The following KCTD1 variants were observed in gnomAD, a reference collection of about 807,000 sequenced individuals.
KCTD1 encodes the protein BTB/POZ domain-containing protein KCTD1.
Under a neutral mutation model 66.0 loss-of-function variants are expected in KCTD1, and 24 were observed. That is an observed-to-expected ratio of 0.36 (90% CI 0.26 to 0.51). KCTD1 has a LOEUF of 0.51. KCTD1 is among the 20% of genes least tolerant of loss of function. KCTD1 has a pLI of 0.95. For missense variants in KCTD1, 943 were observed against 1,205.2 expected (o/e 0.78, Z 3.22); for synonymous variants, 511 against 517.2 (o/e 0.99, Z 0.16).
chr18:26,643,004 A>G (rs573158123), upstream of KCTD1, among the ~76,000 whole-genome samples: 13 of 152,224 alleles, frequency 8.5e-5, no homozygotes, highest in African/African-American at 2.9e-4. Flanking sequence ...GTGTTGAAGG[A>G]TGGTGTGTTA....
At chr18:26,584,561 A>G (rs1986430281) in intron 1 of KCTD1, among the ~76,000 whole-genome samples, 1 of 152,154 alleles carries the variant, frequency 6.6e-6, no homozygotes, top group Non-Finnish European at 1.5e-5. Flanking sequence ...ACTATTTATG[A>G]GGAGATTACT....
chr18:26,499,648 G>T (rs113545685), intron 2 of KCTD1, among the ~76,000 whole-genome samples: 1 of 152,096 alleles, frequency 6.6e-6, no homozygotes. Flanking sequence ...AAAACAAAAA[G>T]TCGGCCTTCA....
At chr18:26,603,351 C>T (rs1028906066) in intron 1 of KCTD1, among the ~76,000 whole-genome samples, 2 of 150,730 alleles carry the variant, frequency 1.3e-5, no homozygotes, top group Non-Finnish European at 2.9e-5. Flanking sequence ...AGAATCACCT[C>T]AGCCTAAGAG....
chr18:26,629,721 C>G (rs528702644), upstream of KCTD1, among the ~76,000 whole-genome samples: 2 of 101,128 alleles, frequency 2.0e-5, no homozygotes, highest in African/African-American at 5.2e-5. Context: ...TTGACCCCCC[C>G]GCCTTTTTTT....
intron 1 of KCTD1, among the ~76,000 whole-genome samples, chr18:26,526,287 G>T (rs192588682): frequency 2.0e-5 from 3 of 152,184 alleles, no homozygotes; most frequent in African/African-American, 7.2e-5. Context: ...TGCTGCCCAT[G>T]CACAATGAAC....
chr18:26,530,542 C>A (rs1984386986), intron 1 of KCTD1, among the ~76,000 whole-genome samples: 1 of 152,194 alleles, frequency 6.6e-6, no homozygotes, highest in Non-Finnish European at 1.5e-5. Context: ...CCCAAACAGA[C>A]CCACACCTCA....
chr18:26,609,167 C>T (rs1182441458), intron 1 of KCTD1, among the ~76,000 whole-genome samples: 3 of 152,124 alleles, frequency 2.0e-5, no homozygotes, highest in Non-Finnish European at 4.4e-5. Flanking sequence ...GTACCAACAT[C>T]TAATATAATG....
chr18:26,528,746 C>T (rs1045041396), intron 1 of KCTD1, among the ~76,000 whole-genome samples: 1 of 152,206 alleles, frequency 6.6e-6, no homozygotes, highest in Non-Finnish European at 1.5e-5. Flanking sequence ...ACCCAGGCCT[C>T]ATCTCACTTG....
intron 1 of KCTD1, among the ~76,000 whole-genome samples, chr18:26,559,899 T>C (rs1985804642): frequency 6.6e-6 from 1 of 152,146 alleles, no homozygotes; most frequent in South Asian, 2.1e-4. Context: ...CCAGGCCCTT[T>C]TGCCAGTGCC....
At chr18:26,638,222 A>G (rs933060701) in intron 1 of KCTD1, among the ~76,000 whole-genome samples, 1 of 152,244 alleles carries the variant, frequency 6.6e-6, no homozygotes, top group Non-Finnish European at 1.5e-5. Flanking sequence ...TCACAGTTCA[A>G]TGTCAAATCA....
At chr18:26,579,193 A>T (rs1438414003) in intron 1 of KCTD1, among the ~76,000 whole-genome samples, 3 of 152,096 alleles carry the variant, frequency 2.0e-5, no homozygotes, top group African/African-American at 7.2e-5. Flanking sequence ...CTCTAAACAT[A>T]TTTATTGGAT....
chr18:26,600,528 A>G (rs1013476233), intron 1 of KCTD1, among the ~76,000 whole-genome samples: 1 of 152,070 alleles, frequency 6.6e-6, no homozygotes, highest in Non-Finnish European at 1.5e-5. Flanking sequence ...GCTGTGTATC[A>G]AAAGACCAAG....
intron 1 of KCTD1, among the ~76,000 whole-genome samples, chr18:26,654,312 C>T (rs961025005): frequency 6.6e-5 from 10 of 152,108 alleles, no homozygotes; most frequent in Non-Finnish European, 1.2e-4. Context: ...ACGCTTTCAT[C>T]ATCATCTAGT....
intron 1 of KCTD1, among the ~76,000 whole-genome samples, chr18:26,562,170 C>A (rs1204629691): frequency 6.6e-6 from 1 of 152,050 alleles, no homozygotes; most frequent in African/African-American, 2.4e-5. Flanking sequence ...GGACAATATC[C>A]CATCCTCCTT....
At chr18:26,646,143 C>A (rs923804050) in intron 1 of KCTD1, among the ~76,000 whole-genome samples, 3 of 152,120 alleles carry the variant, frequency 2.0e-5, no homozygotes, top group African/African-American at 7.2e-5. Flanking sequence ...CTAATTAATA[C>A]ATCAAGTCAA....
At chr18:26,527,514 T>C (rs1183793307) in intron 1 of KCTD1, among the ~76,000 whole-genome samples, 1 of 146,652 alleles carries the variant, frequency 6.8e-6, no homozygotes, top group Admixed American at 6.8e-5. Flanking sequence ...GTGGGAGGGA[T>C]GACGAGGTGG....
At chr18:26,543,159 G>A (rs1490136334) in intron 1 of KCTD1, 1 of 152,138 alleles carries the variant, frequency 6.6e-6, no homozygotes, top group Non-Finnish European at 1.5e-5. Context: ...AAAACATTTA[G>A]TTTCTCCACC....
At chr18:26,486,594 T>C (rs2144635597) in intron 2 of KCTD1, among the ~76,000 whole-genome samples, 1 of 152,370 alleles carries the variant, frequency 6.6e-6, no homozygotes, top group Non-Finnish European at 1.5e-5. Flanking sequence ...AGAAACATTC[T>C]TGATTCTTCA....
At chr18:26,645,101 G>A (rs1215359597), upstream of KCTD1, among the ~76,000 whole-genome samples, 3 of 152,166 alleles carry the variant, frequency 2.0e-5, no homozygotes, top group Non-Finnish European at 4.4e-5. Flanking sequence ...GGGCTCTGTG[G>A]TCAAATAACT....
Sources: allele counts gnomAD v4.1 joint callset (sites outside exome capture counted in the v4.1 genomes callset), GRCh38; gene constraint gnomAD v4.1.1; transcripts MANE v1.5; gene names NCBI Gene and HGNC (gene_info 2026-07-23, HGNC 2026-07-21).